Variants in ATM observed in about 807,000 individuals in gnomAD.
The protein encoded by ATM is ATM serine/threonine kinase.
Under a neutral mutation model 387.0 loss-of-function variants are expected in ATM, and 308 were observed. That is an observed-to-expected ratio of 0.80 (90% CI 0.73 to 0.87). ATM has a LOEUF of 0.87. Among genes scored for constraint, ATM ranks in the 40% least tolerant of loss-of-function variants. ATM has a pLI of 0.00. For synonymous variants in ATM, 1,156 were observed against 1,187.3 expected, an observed-to-expected ratio of 0.97 and a Z score of 0.54; for missense variants, 3,312 against 3,560.9, an observed-to-expected ratio of 0.93 and a Z score of 1.78.
chr11:108,312,946 C>T (rs1467558484), intron 40 of ATM, among the ~76,000 whole-genome samples: 3 of 152,164 alleles, frequency 2.0e-5, no homozygotes, highest in South Asian at 4.1e-4. Flanking sequence ...CTTTGGTCAA[C>T]TCATTCCTCC....
chr11:108,358,467 A>G (rs1019781531), intron 61 of ATM, among the ~76,000 whole-genome samples: 4 of 151,092 alleles, frequency 2.6e-5, no homozygotes, highest in African/African-American at 9.8e-5. Context: ...ACTCTTTGAG[A>G]AGAGCAACTC....
intron 5 of ATM, among the ~76,000 whole-genome samples, chr11:108,241,002 GT>G (rs2079527732): frequency 6.6e-6 from 1 of 151,992 alleles, no homozygotes; most frequent in Non-Finnish European, 1.5e-5. Flanking sequence ...ACTTATAGAT[GT>G]TTTTTCTTTT....
intron 16 of ATM, among the ~76,000 whole-genome samples, chr11:108,260,319 G>T (rs1168250646): frequency 6.6e-6 from 1 of 152,134 alleles, no homozygotes; most frequent in Non-Finnish European, 1.5e-5. Context: ...ACAGGTGTGA[G>T]CCACCACACT....
At chr11:108,275,035 T>A (rs942558748) in intron 22 of ATM, among the ~76,000 whole-genome samples, 7 of 152,226 alleles carry the variant, frequency 4.6e-5, no homozygotes, top group African/African-American at 1.4e-4. Flanking sequence ...ACTTGCTTTA[T>A]GAATCTGGGT....
chr11:108,321,570 G>T (rs1405179014), intron 45 of ATM, 150 bp downstream of exon 45: 2 of 1,193,890 alleles, frequency 1.7e-6, no homozygotes, highest in Non-Finnish European at 2.4e-6. Flanking sequence ...ATCACTTGAG[G>T]TCAGGAGTTC....
intron 56 of ATM, among the ~76,000 whole-genome samples, chr11:108,337,469 A>G (rs2086974064): frequency 6.6e-6 from 1 of 152,230 alleles, no homozygotes; most frequent in Admixed American, 6.5e-5. Context: ...ATAGTCACTT[A>G]GAGAGTTTGT....
chr11:108,304,960 T>C, intron 37 of ATM, 108 bp downstream of exon 37: 2 of 1,320,700 alleles, frequency 1.5e-6, no homozygotes. Flanking sequence ...ATCTATAACC[T>C]CTAAATTTGT....
intron 61 of ATM, among the ~76,000 whole-genome samples, chr11:108,357,996 T>C (rs1385081651): frequency 6.8e-6 from 1 of 147,094 alleles, no homozygotes; most frequent in Admixed American, 6.8e-5. Context: ...CAAATTACTC[T>C]GAGCTACGGG....
At chr11:108,298,426 G>A (rs961483850) in intron 33 of ATM, among the ~76,000 whole-genome samples, 28 of 152,132 alleles carry the variant, frequency 1.8e-4, no homozygotes, top group African/African-American at 6.8e-4. Flanking sequence ...TGCAGAGTAC[G>A]CTTGTACATG....
At chr11:108,290,026 T>C in intron 29 of ATM, 3 of 435,710 alleles carry the variant, frequency 6.9e-6, no homozygotes, top group Non-Finnish European at 1.3e-5. Context: ...CCTGACTAAT[T>C]TTTTGTGTTT....
chr11:108,302,982 G>A lies in ATM; in HGVS notation c.5449G>A (p.Gly1817Arg), dbSNP rs1413089227. The A allele has an allele frequency of 6.2e-7, 1 of 1,613,392 alleles. No homozygotes were observed. Among genetic ancestry groups the A allele is most frequent in the South Asian group, 1.1e-5 (1 of 91,042 alleles). ...ACTGACTTGTGCTTTTTTGGACAGT[G>A]GAGGCACAAAATGTGAAATTCTTCA... Reference protein sequence around the residue: ...KTLTCAFLDSGGTKCEILQLL... With the variant: ...KTLTCAFLDSRGTKCEILQLL... The change falls in exon 36 of 63, where the codon GGA (glycine) becomes AGA (arginine). Residue 1817 changes from glycine to arginine, a missense_variant. Gly to Arg is a moderately radical substitution (Grantham distance 125, BLOSUM62 -2). Around this residue, in one of 4 missense-constraint regions of ATM, gnomAD observed 1,405 missense variants for 1,604.4 expected, o/e 0.88. Transcript: ENST00000675843.
At chr11:108,320,727 G>C (rs2085141055) in intron 44 of ATM, among the ~76,000 whole-genome samples, 1 of 152,126 alleles carries the variant, frequency 6.6e-6, no homozygotes, top group African/African-American at 2.4e-5. Context: ...GTTGATCCTT[G>C]AACCACTTGG....
intron 57 of ATM, among the ~76,000 whole-genome samples, chr11:108,344,414 AAGAAAAGATGAGATTGGAGC>A: frequency 6.6e-6 from 1 of 152,326 alleles, no homozygotes; most frequent in East Asian, 1.9e-4. Flanking sequence ...GTGTTTGAGG[AAGAAAAGATGAGATTGGAGC>A]AGTAATTGTT....
rs76066256 is a variant in ATM at position 108,235,512 on chromosome 11, T to A, written c.332-158T>A. 6.3e-3 allele frequency among the ~76,000 whole-genome samples: 926 copies of A among 147,718 alleles called. 10 individuals are homozygous for A. The highest frequency in any genetic ancestry group is 0.023 in the African/African-American group (877 of 37,508). On this transcript the variant is annotated intron_variant, in intron 4 of 62. Transcript: ENST00000675843. ...ATGTTATTTGCAAAGAAAAAAAAAATGAATTTTGCTTGGGGCCATAATTTG... is the reference window on the plus strand; with the variant it reads ...ATGTTATTTGCAAAGAAAAAAAAAAAGAATTTTGCTTGGGGCCATAATTTG...
chr11:108,226,849 A>C (rs2078762365), intron 1 of ATM: 1 of 147,358 alleles, frequency 6.8e-6, no homozygotes, highest in Non-Finnish European at 1.5e-5. Flanking sequence ...TGGGACTACA[A>C]GAGCACACTA....
Position 108,235,829 on chromosome 11 carries a change from G to T in ATM, c.491G>T (p.Trp164Leu). 6.2e-7 allele frequency: 1 copy of T among 1,613,738 alleles called. No individual in the cohort carries two copies. The highest frequency in any genetic ancestry group is 2.2e-5 in the East Asian group (1 of 44,788). Residue 164 changes from tryptophan (W) to leucine (L), a missense_variant, in exon 5 of 63, where the codon TGG becomes TTG. By Grantham distance (61) the Trp-to-Leu change is moderately conservative. This residue lies in a region of ATM where 1,791 missense variants were observed against 1,804.5 expected (regional missense o/e 0.99). Transcript: ENST00000675843. ...KYWCEISQQQWLELFSVYFRL... is the reference protein window; with the variant it reads ...KYWCEISQQQLLELFSVYFRL... ...TGGTGTGAAATATCTCAGCAACAGT[G>T]GTTAGGTATGTTTTGAAGGTTGTTG...
intron 3 of ATM, among the ~76,000 whole-genome samples, chr11:108,228,849 C>T (rs1426143066): frequency 2.0e-5 from 3 of 152,142 alleles, no homozygotes; most frequent in Non-Finnish European, 4.4e-5. Context: ...CAGGTAGATC[C>T]TGTACAGAAT....
At chr11:108,285,016 G>C (rs759448416) in intron 26 of ATM, among the ~76,000 whole-genome samples, 37 of 152,076 alleles carry the variant, frequency 2.4e-4, no homozygotes, top group Non-Finnish European at 5.0e-4. Flanking sequence ...CTGGAGTGCA[G>C]TGGCATGATC....
intron 61 of ATM, 126 bp downstream of exon 61, chr11:108,355,000 G>A: frequency 1.2e-6 from 1 of 813,698 alleles, no homozygotes; most frequent in Non-Finnish European, 2.1e-6. Context: ...CTGGGCAGCA[G>A]AAAGGAGGAG....
Sources: allele counts gnomAD v4.1 joint callset (sites outside exome capture counted in the v4.1 genomes callset), GRCh38; gene constraint gnomAD v4.1.1; regional missense constraint gnomAD v4.1.1; transcripts MANE v1.5; gene names NCBI Gene and HGNC (gene_info 2026-07-23, HGNC 2026-07-21).